DMD: variants seen among roughly 807,000 people sequenced by gnomAD.
The protein encoded by DMD is mutant dystrophin.
A neutral mutation model predicts 330.1 loss-of-function variants in DMD; 63 were observed. The observed-to-expected ratio is 0.19, with a 90% CI of 0.16 to 0.24. DMD has a LOEUF of 0.24. DMD is among the 10% of genes least tolerant of loss of function. The pLI is 1.00. For synonymous variants in DMD, 1,223 were observed against 959.8 expected, an observed-to-expected ratio of 1.27 and a Z score of -5.07; for missense variants, 3,344 against 2,684.1, an observed-to-expected ratio of 1.25 and a Z score of -5.43.
intron 55 of DMD, among the ~76,000 whole-genome samples, chrX:31,563,140 C>G (rs1344435234): frequency 9.0e-6 from 1 of 111,484 alleles, no homozygotes; most frequent in African/African-American, 3.3e-5. Context: ...TCTTGGCTCA[C>G]TGCAACCTCC....
intron 47 of DMD, among the ~76,000 whole-genome samples, chrX:31,892,825 CA>C (rs2094276711): frequency 8.9e-6 from 1 of 111,893 alleles, no homozygotes; most frequent in Non-Finnish European, 1.9e-5. Context: ...TATCATGGAC[CA>C]AAACCTCATT....
intron 52 of DMD, among the ~76,000 whole-genome samples, chrX:31,684,905 A>C (rs2082592624): frequency 8.9e-6 from 1 of 112,267 alleles, no homozygotes; most frequent in African/African-American, 3.2e-5. Context: ...TACAATGTAC[A>C]AGTTCTAACT....
intron 55 of DMD, among the ~76,000 whole-genome samples, chrX:31,522,831 G>A (rs1355149239): frequency 9.0e-6 from 1 of 111,627 alleles, no homozygotes; most frequent in Non-Finnish European, 1.9e-5. Flanking sequence ...CGGGGGGTAC[G>A]TGTCATCCAC....
chrX:32,406,247 C>T (rs1449882188), intron 30 of DMD, among the ~76,000 whole-genome samples: 1 of 111,250 alleles, frequency 9.0e-6, no homozygotes, highest in Non-Finnish European at 1.9e-5. Flanking sequence ...CCTTTATTTC[C>T]TTCTCCTGCC....
chrX:32,468,412 C>A lies in DMD; in HGVS notation c.3162+86G>T, dbSNP rs1390066271. 2.7e-5 allele frequency: 23 copies of A among 844,993 alleles called. No individual in the cohort carries two copies. In the East Asian group the frequency reaches 7.9e-4, roughly 29 times the overall value. The allele number at this position is 844,993 out of a possible 1,213,427, so 69.6% of individuals were successfully genotyped here. A position where few individuals can be genotyped will look rare whatever the true frequency, so the allele number is the denominator to read the frequency against. ...TTTGAAAGATGCTGAAGGTCAAATG[C>A]TTATGTACCTTTACAGTTTACAGTG... On this transcript the variant is annotated intron_variant, in intron 23 of 78. Coordinates refer to ENST00000357033, the MANE Select transcript of DMD (RefSeq NM_004006.3).
At chrX:32,685,807 AGTTT>A (rs1362519892) in intron 9 of DMD, among the ~76,000 whole-genome samples, 9 of 111,788 alleles carry the variant, frequency 8.1e-5, no homozygotes, top group Non-Finnish European at 1.5e-4. Flanking sequence ...TTCCAAAGAT[AGTTT>A]ATTTCCCCAA....
rs182969446 is a variant in DMD, at chrX:32,289,763, G to A, written c.6118-2062C>T. Among the ~76,000 whole-genome samples, 12 of 110,947 alleles carry A rather than the reference G, an allele frequency of 1.1e-4. No individual in the cohort carries two copies. The East Asian group carries it at 3.1e-3, about 29-fold the overall frequency. On this transcript the variant is annotated intron_variant, in intron 42 of 78. Transcript: ENST00000357033. The stretch of plus-strand genomic sequence containing the variant: ...GCAATGTCAAGAAGTTACCCAATAT[G>A]GTCTAAAATGGGAGAAACCCTCAGT...
rs991055977 is a variant in DMD, at chrX:31,945,020, G to A, written c.6615-12793C>T. Among the ~76,000 whole-genome samples the A allele has an allele frequency of 2.7e-5, 3 of 111,584 alleles. No homozygotes were observed. In the Admixed American group the frequency reaches 2.8e-4, roughly 11 times the overall value. The stretch of plus-strand genomic sequence containing the variant: ...GAAATTTGCCAATGAATTTATTAGA[G>A]ACAGAGGGAGGTGAATAATGTAGGC... On this transcript the variant is annotated intron_variant, in intron 45 of 78. Transcript: ENST00000357033.
intron 2 of DMD, among the ~76,000 whole-genome samples, chrX:32,980,299 G>C (rs2147211581): frequency 9.8e-6 from 1 of 101,689 alleles, no homozygotes; most frequent in African/African-American, 3.6e-5. Flanking sequence ...CCAGGAGGCG[G>C]AGGTTGCAGT....
At chrX:32,345,332 C>A (rs1241055630) in intron 39 of DMD, among the ~76,000 whole-genome samples, 1 of 111,240 alleles carries the variant, frequency 9.0e-6, no homozygotes, top group Non-Finnish European at 1.9e-5. Context: ...GATGAGTCAC[C>A]TGGGGACTTG....
At chrX:32,631,831 C>T (rs2058751181) in intron 11 of DMD, among the ~76,000 whole-genome samples, 1 of 111,344 alleles carries the variant, frequency 9.0e-6, no homozygotes, top group Admixed American at 9.5e-5. Flanking sequence ...CCAGGCCCCA[C>T]CTCTGACAGT....
chrX:32,212,796 A>G (rs1379771118), intron 44 of DMD, among the ~76,000 whole-genome samples: 1 of 111,929 alleles, frequency 8.9e-6, no homozygotes, highest in Non-Finnish European at 1.9e-5. Context: ...AAAAAATGGG[A>G]TATTTTTAGA....
At chrX:32,745,690 GCTT>G (rs1223815696) in intron 7 of DMD, among the ~76,000 whole-genome samples, 3 of 112,059 alleles carry the variant, frequency 2.7e-5, no homozygotes, top group Non-Finnish European at 5.6e-5. Flanking sequence ...TGAGATAGTT[GCTT>G]TTTTATTCTT....
intron 42 of DMD, 23 bp from the exon 43 acceptor site, chrX:32,287,724 C>T (rs2097448416): frequency 9.1e-7 from 1 of 1,093,882 alleles, no homozygotes; most frequent in East Asian, 3.3e-5. Context: ...AATTTTAAAA[C>T]AGTAAAAAAA....
At chrX:32,750,647 G>A (rs1405556962) in intron 7 of DMD, among the ~76,000 whole-genome samples, 1 of 110,479 alleles carries the variant, frequency 9.1e-6, no homozygotes, top group African/African-American at 3.3e-5. Context: ...GACAGTTAAA[G>A]GCCTGAAAGC....
rs1569474972 is a variant in DMD at position 31,845,421 on chromosome X, CT to C, written c.7099-8603del. 9.6e-4 allele frequency among the ~76,000 whole-genome samples: 94 copies of C among 97,645 alleles called. 2 individuals are homozygous for C. The highest frequency in any genetic ancestry group is 0.01 in the Middle Eastern group (2 of 195). 84.8% of individuals were successfully genotyped at this position (97,645 alleles called of 115,157 possible). ...TCTCTCTCTCTCTCTCTCTCTCTCT[CT>C]CTCCCTCTCCTCCCGTCCCTCTCTT... On this transcript the variant is annotated intron_variant, in intron 48 of 78. Coordinates refer to ENST00000357033, the MANE Select transcript of DMD (RefSeq NM_004006.3).
At chrX:33,050,532 C>T (rs761741448) in intron 1 of DMD, among the ~76,000 whole-genome samples, 16 of 111,781 alleles carry the variant, frequency 1.4e-4, no homozygotes, top group South Asian at 7.5e-4. Flanking sequence ...CATTTTGAGA[C>T]GTCCAGGTCA....
At chrX:32,192,132 A>T (rs947971063) in intron 44 of DMD, among the ~76,000 whole-genome samples, 1 of 111,902 alleles carries the variant, frequency 8.9e-6, no homozygotes, top group Admixed American at 9.5e-5. Flanking sequence ...AGGTATTCTT[A>T]ACATGGATGC....
chrX:31,190,045 G>A (rs2042165884), intron 67 of DMD, among the ~76,000 whole-genome samples: 1 of 112,377 alleles, frequency 8.9e-6, no homozygotes, highest in African/African-American at 3.2e-5. Flanking sequence ...TGGGGCCCTT[G>A]AAAGGAACTG....
Sources: allele counts gnomAD v4.1 joint callset (sites outside exome capture counted in the v4.1 genomes callset), GRCh38; gene constraint gnomAD v4.1.1; transcripts MANE v1.5; gene names NCBI Gene and HGNC (gene_info 2026-07-23, HGNC 2026-07-21).